Variants in ZBTB47 observed in about 807,000 individuals in gnomAD.
ZBTB47 encodes zinc finger and BTB domain-containing protein 47.
In ZBTB47, 24 loss-of-function variants were observed where a neutral mutation model predicts 56.6. That is an observed-to-expected ratio of 0.42 (90% confidence interval 0.31 to 0.60). ZBTB47 has a LOEUF of 0.60. ZBTB47 is among the 20% of genes least tolerant of loss of function. The pLI is 0.14. For synonymous variants in ZBTB47, 414 were observed against 418.9 expected (o/e 0.99, Z 0.14); for missense variants, 829 against 1,032.6 (o/e 0.80, Z 2.70).
In ZBTB47 at chr3:42,654,738, G is replaced by T. The variant is rs551976441; in HGVS notation, c.-82+855G>T. On this transcript the variant is annotated intron_variant, in intron 1 of 5. Transcript: ENST00000232974. This position sits in a 1 kb window ranked among gnomAD's most constrained non-coding sequence, Gnocchi z 5.0. ...TGTCCCCCCGCTTATCCGCCCACCT[G>T]CCAGCTCTGACCTCCCAGGCACACG... 1 of 984,936 alleles carries T rather than the reference G, an allele frequency of 1.0e-6. No individual in the cohort carries two copies. The highest frequency in any genetic ancestry group is 1.1e-4 in the East Asian group (1 of 8,752). The allele number at this position is 984,936 out of a possible 1,614,324, so 61.0% of individuals were successfully genotyped here. A position where few individuals can be genotyped will look rare whatever the true frequency, so the allele number is the denominator to read the frequency against.
rs1577623256 is a variant in ZBTB47 at position 42,654,664 on chromosome 3, G to T, written c.-82+781G>T. 1.0e-6 allele frequency: 1 copy of T among 984,672 alleles called. No homozygotes were observed. The highest frequency in any genetic ancestry group is 4.7e-5 in the South Asian group (1 of 21,294). The allele number at this position is 984,672 out of a possible 1,614,324, so 61.0% of individuals were successfully genotyped here. On this transcript the variant is annotated intron_variant, in intron 1 of 5. Transcript: ENST00000232974. The surrounding 1 kb of genome is among the most constrained non-coding windows in gnomAD (Gnocchi z 5.0). The stretch of plus-strand genomic sequence containing the variant: ...GCCGGGGGCAGCGCGATCCCGCGGG[G>T]CCCTGTGAGCCCCCAGCGCCACGGC...
Position 42,663,579 on chromosome 3 carries a change from A to G in ZBTB47, c.1738-218A>G, listed in dbSNP as rs985844522. On this transcript the variant is annotated intron_variant, in intron 4 of 5. Coordinates refer to ENST00000232974, the MANE Select transcript of ZBTB47 (RefSeq NM_145166.4). The surrounding 1 kb of genome is among the most constrained non-coding windows in gnomAD (Gnocchi z 5.1). The stretch of plus-strand genomic sequence containing the variant: ...TGGCTTTTTCCCACTTCCGACCCCC[A>G]TTCCCCACCTAAGCCTTGGGTGCTT... Among the ~76,000 whole-genome samples the G allele has an allele frequency of 1.3e-4, 19 of 151,706 alleles. No individual in the cohort carries two copies. The highest frequency in any genetic ancestry group is 3.6e-4 in the African/African-American group (15 of 41,242).
rs1710721732 is a variant in ZBTB47 at position 42,661,589 on chromosome 3, G to A, written c.1578G>A (p.Glu526=). ...AEKKFSCEIC[E]KKFYTMAHVR... ...AGAAGTTCTCATGCGAGATCTGTGA[G>A]AAGAAGTTCTACACCATGGCCCACG... Residue 526 remains glutamate (E), a synonymous_variant, in exon 3 of 6, where the codon GAG becomes GAA. Coordinates refer to ENST00000232974, the MANE Select transcript of ZBTB47 (RefSeq NM_145166.4). The A allele has an allele frequency of 4.3e-6, 7 of 1,614,022 alleles. No individual in the cohort carries two copies. The highest frequency in any genetic ancestry group is 5.9e-6 in the Non-Finnish European group (7 of 1,179,878).
chr3:42,661,781 G>C, intron 3 of ZBTB47, 149 bp downstream of exon 3: 2 of 1,107,380 alleles, frequency 1.8e-6, no homozygotes, highest in Non-Finnish European at 2.5e-6. Context: ...TGGTTCCAGT[G>C]GCAGGTGTAG....
Position 42,656,366 on chromosome 3 carries a change from G to T in ZBTB47, c.-81-1909G>T, listed in dbSNP as rs960472542. Among the ~76,000 whole-genome samples the T allele has an allele frequency of 6.6e-6, 1 of 152,208 alleles. No homozygotes were observed. Among genetic ancestry groups the T allele is most frequent in the African/African-American group, 2.4e-5 (1 of 41,454 alleles). ...TCTTAGCGGAGCTGGGAGTCCAGGG[G>T]CTCTGGACTGTGGAACCCTCTCATT... On this transcript the variant is annotated intron_variant, in intron 1 of 5. Coordinates refer to ENST00000232974, the MANE Select transcript of ZBTB47 (RefSeq NM_145166.4). The surrounding 1 kb of genome is among the most constrained non-coding windows in gnomAD (Gnocchi z 5.8).
rs1710616021 is a variant in ZBTB47, at chr3:42,654,715, T to TC, written c.-82+838dup. Reference sequence around the variant, plus strand: ...ACCATGGTACGCAGGGCCCTGCCTGTCCCCCCGCTTATCCGCCCACCTGCC... The same window carrying TC: ...ACCATGGTACGCAGGGCCCTGCCTGTCCCCCCCGCTTATCCGCCCACCTGCC... On this transcript the variant is annotated intron_variant, in intron 1 of 5. Transcript: ENST00000232974. The surrounding 1 kb of genome is among the most constrained non-coding windows in gnomAD (Gnocchi z 5.0). 3.1e-5 allele frequency: 31 copies of TC among 984,304 alleles called. No individual in the cohort carries two copies. The highest frequency in any genetic ancestry group is 3.7e-5 in the Non-Finnish European group (31 of 829,528). 61.0% of individuals were successfully genotyped at this position (984,304 alleles called of 1,614,324 possible).
Position 42,666,179 on chromosome 3 carries a change from G to A in ZBTB47, c.*1581G>A, listed in dbSNP as rs572340514. ...AGATTTGGGCAGGCCCAAGGTGCCC[G>A]AGTGATCTGAGGATTTATAATCCAA... On this transcript the variant is annotated 3_prime_UTR_variant, in exon 6 of 6. Transcript: ENST00000232974. 1.3e-5 allele frequency among the ~76,000 whole-genome samples: 2 copies of A among 152,360 alleles called. No homozygotes were observed. The highest frequency in any genetic ancestry group is 2.1e-4 in the South Asian group (1 of 4,830).
At position 42,659,046 on chromosome 3, in the gene ZBTB47, C is replaced by T; in HGVS notation, c.691C>T (p.Gln231Ter). The T allele has an allele frequency of 6.5e-7, 1 of 1,527,708 alleles. No homozygotes were observed. The allele number at this position is 1,527,708 out of a possible 1,614,324, so 94.6% of individuals were successfully genotyped here. A position where few individuals can be genotyped will look rare whatever the true frequency, so the allele number is the denominator to read the frequency against. ...TTCTGGCACCTACAGCCGCAGGGAGCAATCCCAGATCATCGTGGAGGTGAA... is the reference window on the plus strand; with the variant it reads ...TTCTGGCACCTACAGCCGCAGGGAGTAATCCCAGATCATCGTGGAGGTGAA... ...GGSGTYSRREQSQIIVEVNLN... is the reference protein window; with the variant it reads ...GGSGTYSRRE The change falls in exon 2 of 6, where the codon CAA (glutamine) becomes TAA (stop). Residue 231 changes from glutamine to a stop codon, truncating the protein, a stop_gained. Transcript: ENST00000232974. LOFTEE classifies it high-confidence loss of function.
rs952287999 is a variant in ZBTB47, at chr3:42,654,744, T to G, written c.-82+861T>G. On this transcript the variant is annotated intron_variant, in intron 1 of 5. Transcript: ENST00000232974. This position sits in a 1 kb window ranked among gnomAD's most constrained non-coding sequence, Gnocchi z 5.0. The stretch of plus-strand genomic sequence containing the variant: ...CCCGCTTATCCGCCCACCTGCCAGC[T>G]CTGACCTCCCAGGCACACGGCCCGC... The G allele has an allele frequency of 2.0e-6, 2 of 984,204 alleles. No homozygotes were observed. The highest frequency in any genetic ancestry group is 3.5e-5 in the African/African-American group (2 of 57,036). The allele number at this position is 984,204 out of a possible 1,614,324, so 61.0% of individuals were successfully genotyped here.
intron 1 of ZBTB47, among the ~76,000 whole-genome samples, chr3:42,655,288 C>G (rs1012976041): frequency 2.0e-5 from 3 of 152,178 alleles, no homozygotes; most frequent in African/African-American, 4.8e-5. Flanking sequence ...TGGGCCCCCC[C>G]ACTGCTGCCC....
chr3:42,663,075 C>A lies in ZBTB47; in HGVS notation c.1685C>A (p.Ser562Tyr). The A allele has an allele frequency of 6.2e-7, 1 of 1,613,950 alleles. No homozygotes were observed. The highest frequency in any genetic ancestry group is 8.5e-7 in the Non-Finnish European group (1 of 1,179,814). Residue 562 changes from serine to tyrosine, a missense_variant, in exon 4 of 6, where the codon TCC becomes TAC. By Grantham distance (144) the Ser-to-Tyr change is moderately radical. This residue lies in a region of ZBTB47 where 187 missense variants were observed against 253.1 expected (regional missense o/e 0.74). Coordinates refer to ENST00000232974, the MANE Select transcript of ZBTB47 (RefSeq NM_145166.4). The surrounding 1 kb of genome is among the most constrained non-coding windows in gnomAD (Gnocchi z 5.1). ...TCGKSFKRSM[S>Y]LKVHSLQHSG... is the part of the protein sequence containing the mutation. The stretch of plus-strand genomic sequence containing the variant: ...GGAAAGTCCTTCAAGCGCAGCATGT[C>A]CCTCAAGGTGCACTCACTGCAGCAC...
Position 42,659,825 on chromosome 3 carries a change from C to A in ZBTB47, c.1470C>A (p.Ile490=). 2 of 1,599,694 alleles carry A rather than the reference C, an allele frequency of 1.3e-6. No individual in the cohort carries two copies. Among genetic ancestry groups the A allele is most frequent in the Non-Finnish European group, 8.5e-7 (1 of 1,171,128 alleles). ...LHRQTDCERN[I]QCVTCGKAFK... ...GGCAGACAGACTGCGAGCGCAACATCCAGGTGGGCCTCACGTGGCTGGGGG... is the reference window on the plus strand; with the variant it reads ...GGCAGACAGACTGCGAGCGCAACATACAGGTGGGCCTCACGTGGCTGGGGG... Residue 490 remains isoleucine (I), a synonymous_variant, in exon 2 of 6, where the codon ATC becomes ATA. Transcript: ENST00000232974.
Position 42,664,640 on chromosome 3 carries a change from G to A in ZBTB47, c.*42G>A. ...GTGCACCCGCTGGGGCCTGGAGTCA[G>A]GGCCCACTCCAGGAGGGACCCACTG... On this transcript the variant is annotated 3_prime_UTR_variant, in exon 6 of 6. Coordinates refer to ENST00000232974, the MANE Select transcript of ZBTB47 (RefSeq NM_145166.4). 7.2e-7 allele frequency: 1 copy of A among 1,388,068 alleles called. No homozygotes were observed. Among genetic ancestry groups the A allele is most frequent in the East Asian group, 2.9e-5 (1 of 33,906 alleles). 86.0% of individuals were successfully genotyped at this position (1,388,068 alleles called of 1,614,324 possible). A position where few individuals can be genotyped will look rare whatever the true frequency, so the allele number is the denominator to read the frequency against.
In ZBTB47 at chr3:42,658,845, T is replaced by C; in HGVS notation, c.490T>C (p.Ser164Pro). Reference sequence around the variant, plus strand: ...TGCCCGCGAGGGCCCTGACCCTTACTCGGTGCGTGTTGAGGACGGGGCAGG... The same window carrying C: ...TGCCCGCGAGGGCCCTGACCCTTACCCGGTGCGTGTTGAGGACGGGGCAGG... ...IYAREGPDPY[S>P]VRVEDGAGTA... is the part of the protein sequence containing the mutation. Residue 164 changes from serine (S) to proline (P), a missense_variant, in exon 2 of 6, where the codon TCG becomes CCG. Transcript: ENST00000232974. 6.5e-7 allele frequency: 1 copy of C among 1,532,750 alleles called. No individual in the cohort carries two copies. Among genetic ancestry groups the C allele is most frequent in the South Asian group, 1.2e-5 (1 of 83,418 alleles). The allele number at this position is 1,532,750 out of a possible 1,614,324, so 94.9% of individuals were successfully genotyped here.
chr3:42,667,237 A>G lies in ZBTB47; in HGVS notation c.*2639A>G, dbSNP rs947044845. Among the ~76,000 whole-genome samples, 4 of 152,134 alleles carry G rather than the reference A, an allele frequency of 2.6e-5. No individual in the cohort carries two copies. The highest frequency in any genetic ancestry group is 7.2e-5 in the African/African-American group (3 of 41,448). On this transcript the variant is annotated 3_prime_UTR_variant, in exon 6 of 6. Coordinates refer to ENST00000232974, the MANE Select transcript of ZBTB47 (RefSeq NM_145166.4). ...TGTGGGGGTCCCACCGTCCATCTGG[A>G]CTTCTCAGCCTGTTTGGCTAGAACT...
At position 42,659,108 on chromosome 3, in the gene ZBTB47, A is replaced by G. The variant is rs960192704; in HGVS notation, c.753A>G (p.Pro251=). ...AGACACTGCACGTGTCCACGGGGCC[A>G]GAGGGGAAGCCAGGTGCCGGGCCAA... ...NNQTLHVSTG[P]EGKPGAGPSP... is the part of the protein sequence containing the mutation. Residue 251 remains proline, a synonymous_variant, in exon 2 of 6, where the codon CCA becomes CCG. Transcript: ENST00000232974. 3.5e-5 allele frequency: 53 copies of G among 1,499,096 alleles called. No individual in the cohort carries two copies. The highest frequency in any genetic ancestry group is 4.5e-5 in the Non-Finnish European group (51 of 1,127,118). 92.9% of individuals were successfully genotyped at this position (1,499,096 alleles called of 1,614,324 possible). A position where few individuals can be genotyped will look rare whatever the true frequency, so the allele number is the denominator to read the frequency against.
chr3:42,654,221 C>T lies in ZBTB47; in HGVS notation c.-82+338C>T, dbSNP rs1305059198. 1 of 152,100 alleles carries T rather than the reference C, an allele frequency of 6.6e-6. No homozygotes were observed. The highest frequency in any genetic ancestry group is 2.4e-5 in the African/African-American group (1 of 41,412). 9.4% of individuals were successfully genotyped at this position (152,100 alleles called of 1,614,324 possible). On this transcript the variant is annotated intron_variant, in intron 1 of 5. Transcript: ENST00000232974. This position sits in a 1 kb window ranked among gnomAD's most constrained non-coding sequence, Gnocchi z 5.0. ...CGATGTTTGACTCCCGGACGAACTT[C>T]CCGGCAGAAAGGAGGCTCAGCACGG... is the stretch of plus-strand genomic sequence containing the variant.
Position 42,666,463 on chromosome 3 carries a change from T to G in ZBTB47, c.*1865T>G, listed in dbSNP as rs1436503442. On this transcript the variant is annotated 3_prime_UTR_variant, in exon 6 of 6. Transcript: ENST00000232974. ...TTGGGCTTCCGTGATGTCCTCAGGG[T>G]CCCCCCCTCCCTGTTGCTATTTTTA... Among the ~76,000 whole-genome samples, 1 of 151,988 alleles carries G rather than the reference T, an allele frequency of 6.6e-6. No individual in the cohort carries two copies. The highest frequency in any genetic ancestry group is 2.4e-5 in the African/African-American group (1 of 41,370).
rs1243655130 is a variant in ZBTB47 at position 42,658,518 on chromosome 3, G to A, written c.163G>A (p.Val55Met). ...CACCCAGAACAAGCAGCTGCAGCGTGTGGAGCTGTCCCTGGAGGCACTGGC... is the reference window on the plus strand; with the variant it reads ...CACCCAGAACAAGCAGCTGCAGCGTATGGAGCTGTCCCTGGAGGCACTGGC... Reference protein sequence around the residue: ...LFTQNKQLQRVELSLEALAPG... With the variant: ...LFTQNKQLQRMELSLEALAPG... The change falls in exon 2 of 6, where the codon GTG (valine) becomes ATG (methionine). Residue 55 changes from valine (V) to methionine (M), a missense_variant. By Grantham distance (21) the Val-to-Met change is conservative. Transcript: ENST00000232974. The A allele has an allele frequency of 2.0e-6, 3 of 1,537,244 alleles. No individual in the cohort carries two copies. The highest frequency in any genetic ancestry group is 2.6e-6 in the Non-Finnish European group (3 of 1,146,932).
Sources: allele counts gnomAD v4.1 joint callset (sites outside exome capture counted in the v4.1 genomes callset), GRCh38; gene constraint gnomAD v4.1.1; regional missense constraint gnomAD v4.1.1; non-coding constraint Gnocchi (gnomAD v3.1); transcripts MANE v1.5; gene names NCBI Gene and HGNC (gene_info 2026-07-23, HGNC 2026-07-21).